The following TPRG1 variants were observed in gnomAD, a reference collection of about 807,000 sequenced individuals.
The protein encoded by TPRG1 is tumor protein p63 regulated 1, also known as tumor protein p63-regulated gene 1 protein.
Under a neutral mutation model 29.3 loss-of-function variants are expected in TPRG1, and 29 were observed. That is an observed-to-expected ratio of 0.99 (90% CI 0.74 to 1.35). The LOEUF (loss-of-function observed/expected upper bound fraction) is 1.35. Ranked by LOEUF, TPRG1 falls within the 40% of genes most tolerant of loss-of-function variation. The pLI, the probability that TPRG1 is intolerant of heterozygous loss-of-function variation, is 0.00. For missense variants in TPRG1, 327 were observed against 335.0 expected (o/e 0.98, Z 0.19); for synonymous variants, 130 against 116.8 (o/e 1.11, Z -0.73).
intron 3 of TPRG1, among the ~76,000 whole-genome samples, chr3:189,017,906 T>C (rs1282181833): frequency 6.6e-6 from 1 of 151,504 alleles, no homozygotes; most frequent in Non-Finnish European, 1.5e-5. Flanking sequence ...TTCCTGACTT[T>C]TTAATGATCG....
At chr3:189,171,488 T>G (rs1341501187), upstream of TPRG1, among the ~76,000 whole-genome samples, 1 of 152,230 alleles carries the variant, frequency 6.6e-6, no homozygotes, top group Non-Finnish European at 1.5e-5. Context: ...GGATACACAC[T>G]TACATAGAGA....
intron 3 of TPRG1, among the ~76,000 whole-genome samples, chr3:189,236,493 T>A (rs1313757653): frequency 6.6e-6 from 1 of 152,202 alleles, no homozygotes; most frequent in Non-Finnish European, 1.5e-5. Flanking sequence ...AAGAATTTCC[T>A]CTTTCTCTCA....
chr3:189,018,548 C>T (rs1402232507), intron 3 of TPRG1, among the ~76,000 whole-genome samples: 15 of 126,654 alleles, frequency 1.2e-4, no homozygotes, highest in African/African-American at 3.1e-4. Context: ...TGTAGATATG[C>T]GGCATTATTT....
At chr3:189,202,131 C>T (rs1226044769) in intron 1 of TPRG1, among the ~76,000 whole-genome samples, 1 of 152,170 alleles carries the variant, frequency 6.6e-6, no homozygotes, top group Non-Finnish European at 1.5e-5. Flanking sequence ...TATTCATCCA[C>T]TTCTCTGAGA....
At chr3:189,071,254 A>T (rs1716797084) in intron 4 of TPRG1, among the ~76,000 whole-genome samples, 1 of 152,118 alleles carries the variant, frequency 6.6e-6, no homozygotes, top group Non-Finnish European at 1.5e-5. Flanking sequence ...TCCATGTGGG[A>T]ACTTAAAGCT....
intron 4 of TPRG1, among the ~76,000 whole-genome samples, chr3:189,265,216 A>G (rs1367913323): frequency 1.3e-5 from 2 of 152,114 alleles, no homozygotes; most frequent in African/African-American, 4.8e-5. Flanking sequence ...ATGGTTGTCA[A>G]TGTGAGTTGT....
Position 189,320,748 on chromosome 3 carries a change from A to G in TPRG1, c.756A>G (p.Thr252=), listed in dbSNP as rs1724231935. The stretch of plus-strand genomic sequence containing the variant: ...AACCCATTTTGATTGAGACCTACAC[A>G]GGGCTGATGTCATTCATTGGAAACC... ...LTEPILIETY[T]GLMSFIGNRN... Residue 252 remains threonine (T), a synonymous_variant, in exon 6 of 6, where the codon ACA becomes ACG. Transcript: ENST00000345063. 1 of 1,611,862 alleles carries G rather than the reference A, an allele frequency of 6.2e-7. No individual in the cohort carries two copies. The highest frequency in any genetic ancestry group is 2.2e-5 in the East Asian group (1 of 44,700).
intron 5 of TPRG1, among the ~76,000 whole-genome samples, chr3:189,312,449 T>G (rs1722864941): frequency 6.6e-6 from 1 of 152,088 alleles, no homozygotes; most frequent in African/African-American, 2.4e-5. Context: ...ATTAAAATAA[T>G]ATATATTTTT....
intron 1 of TPRG1, among the ~76,000 whole-genome samples, chr3:189,173,138 C>A (rs574403798): frequency 6.6e-6 from 1 of 152,042 alleles, no homozygotes; most frequent in East Asian, 1.9e-4. Flanking sequence ...TCTTTTCATG[C>A]TCAAAAGGTT....
At chr3:189,125,420 G>T (rs987605337) in intron 1 of TPRG1, among the ~76,000 whole-genome samples, 8 of 152,216 alleles carry the variant, frequency 5.3e-5, no homozygotes, top group Admixed American at 6.5e-5. Context: ...AAATGAAGGT[G>T]CTTATTATTT....
At chr3:189,253,249 T>C (rs1742565150) in intron 4 of TPRG1, among the ~76,000 whole-genome samples, 2 of 152,154 alleles carry the variant, frequency 1.3e-5, no homozygotes, top group South Asian at 4.1e-4. Flanking sequence ...CCTGTTCCCA[T>C]ATGTTCTCAT....
chr3:189,000,898 G>A (rs867402992), exon 2 of TPRG1: 6 of 151,988 alleles, frequency 3.9e-5, no homozygotes, highest in African/African-American at 1.2e-4. Context: ...ATAGGCAAGC[G>A]CTACTGTGCT....
rs983529659 is a variant in TPRG1 at position 189,320,767 on chromosome 3, G to A, written c.775G>A (p.Gly259Arg). ...CTACACAGGGCTGATGTCATTCATT[G>A]GAAACCGCAACAAACTTGGCTATTC... Reference protein sequence around the residue: ...ETYTGLMSFIGNRNKLGYSLA... With the variant: ...ETYTGLMSFIRNRNKLGYSLA... The change falls in exon 6 of 6, where the codon GGA (glycine) becomes AGA (arginine). Residue 259 changes from glycine to arginine, a missense_variant. Gly to Arg is a moderately radical substitution (Grantham distance 125). Transcript: ENST00000345063. The A allele has an allele frequency of 6.2e-7, 1 of 1,610,518 alleles. No individual in the cohort carries two copies. Among genetic ancestry groups the A allele is most frequent in the Non-Finnish European group, 8.5e-7 (1 of 1,178,470 alleles).
upstream of TPRG1, among the ~76,000 whole-genome samples, chr3:189,097,778 T>G (rs1232754796): frequency 1.3e-5 from 2 of 152,188 alleles, no homozygotes; most frequent in African/African-American, 4.8e-5. Flanking sequence ...ACAGGAAAAG[T>G]GGCAAATAAT....
chr3:189,209,459 CATG>C (rs1372802981), intron 2 of TPRG1, among the ~76,000 whole-genome samples: 1 of 152,190 alleles, frequency 6.6e-6, no homozygotes, highest in Non-Finnish European at 1.5e-5. Flanking sequence ...ATCCACTACA[CATG>C]ATGATTGTAT....
chr3:189,085,947 T>A (rs1717906654), intron 4 of TPRG1, among the ~76,000 whole-genome samples: 1 of 152,100 alleles, frequency 6.6e-6, no homozygotes, highest in Non-Finnish European at 1.5e-5. Context: ...ACAGGATAGA[T>A]GTATATATGA....
chr3:189,270,183 G>A (rs1315365688), intron 4 of TPRG1, among the ~76,000 whole-genome samples: 1 of 150,626 alleles, frequency 6.6e-6, no homozygotes, highest in Non-Finnish European at 1.5e-5. Flanking sequence ...ATAATAACAT[G>A]CTGAAGAGAG....
At chr3:189,204,037 C>CAAAAAAAAAA (rs35367828) in intron 1 of TPRG1, among the ~76,000 whole-genome samples, 2 of 87,916 alleles carry the variant, frequency 2.3e-5, no homozygotes, top group Non-Finnish European at 2.3e-5. Flanking sequence ...GAGACTGTCT[C>CAAAAAAAAAA]AAAAAAAAAA....
intron 1 of TPRG1, among the ~76,000 whole-genome samples, chr3:189,193,492 G>A (rs1262368293): frequency 6.6e-6 from 1 of 151,928 alleles, no homozygotes; most frequent in Non-Finnish European, 1.5e-5. Flanking sequence ...TATTTTATTA[G>A]ATAGGTTTTC....
Sources: gnomAD v4.1 joint callset for allele counts (sites outside exome capture counted in the v4.1 genomes callset) on GRCh38, gnomAD v4.1.1 for gene constraint, MANE v1.5 for transcripts, NCBI Gene and HGNC (gene_info 2026-07-23, HGNC 2026-07-21) for gene names.